The following KDM5A variants were observed in gnomAD, a reference collection of about 807,000 sequenced individuals.
The protein encoded by KDM5A is lysine-specific demethylase 5A.
A neutral mutation model predicts 193.5 loss-of-function variants in KDM5A; 42 were observed. The observed-to-expected ratio is 0.22, with a 90% CI of 0.17 to 0.28. KDM5A has a LOEUF of 0.28. KDM5A is among the 10% of genes least tolerant of loss of function. The pLI is 1.00. For synonymous variants in KDM5A, 796 were observed against 718.1 expected (o/e 1.11, Z -1.73); for missense variants, 1,692 against 2,055.1 (o/e 0.82, Z 3.42).
Position 389,312 on chromosome 12 carries a change from C to T in KDM5A, c.-221G>A. 1.5e-6 allele frequency: 1 copy of T among 677,908 alleles called. No individual in the cohort carries two copies. Among genetic ancestry groups the T allele is most frequent in the Non-Finnish European group, 2.7e-6 (1 of 371,448 alleles). The allele number at this position is 677,908 out of a possible 1,614,324, so 42.0% of individuals were successfully genotyped here. A position where few individuals can be genotyped will look rare whatever the true frequency, so the allele number is the denominator to read the frequency against. On this transcript the variant is annotated 5_prime_UTR_variant, in exon 1 of 28. Coordinates refer to ENST00000399788, the MANE Select transcript of KDM5A (RefSeq NM_001042603.3). ...GGTTCAGGACTTTTCCGGAAGTTAC[C>T]GTGCTGTCAAATCCCTCCGCCCCCT...
intron 10 of KDM5A, among the ~76,000 whole-genome samples, chr12:337,615 T>A (rs1943951079): frequency 6.6e-6 from 1 of 151,918 alleles, no homozygotes; most frequent in Non-Finnish European, 1.5e-5. Flanking sequence ...AACGAAACAA[T>A]ATGATAAACA....
chr12:336,011 C>CCAG (rs1371006631), intron 10 of KDM5A, among the ~76,000 whole-genome samples: 1 of 139,896 alleles, frequency 7.1e-6, no homozygotes, highest in African/African-American at 2.8e-5. Context: ...GCATTGCACT[C>CCAG]CAGTCTGGGC....
At position 282,132 on chromosome 12, in the gene KDM5A, A is replaced by T. The variant is rs114595162; in HGVS notation, c.*3324T>A. The T allele has an allele frequency of 1.8e-3, 518 of 293,908 alleles. 2 individuals are homozygous for T. The highest frequency in any genetic ancestry group is 0.01 in the African/African-American group (478 of 46,128). 18.2% of individuals were successfully genotyped at this position (293,908 alleles called of 1,614,324 possible). On this transcript the variant is annotated 3_prime_UTR_variant, in exon 28 of 28. Transcript: ENST00000399788. ...AAGCACAGAAGCAAAGCCCAGGCAG[A>T]ACCATGCTAACCTTACAGCTTAGCC...
chr12:388,126 AG>A lies in KDM5A; in HGVS notation c.165+800del, dbSNP rs1944668177. The stretch of plus-strand genomic sequence containing the variant: ...AGTGGTCCAGCAACATCATTTAAAA[AG>A]CACTGGTCTAATGAGTAAAGAAAAA... On this transcript the variant is annotated intron_variant, in intron 1 of 27. Coordinates refer to ENST00000399788, the MANE Select transcript of KDM5A (RefSeq NM_001042603.3). 1.0e-5 allele frequency: 3 copies of A among 293,830 alleles called. No individual in the cohort carries two copies. In the East Asian group the frequency reaches 2.5e-4, roughly 25 times the overall value. 18.2% of individuals were successfully genotyped at this position (293,830 alleles called of 1,614,324 possible).
rs149776713 is a variant in KDM5A at position 286,575 on chromosome 12, C to T, written c.4867-913G>A. Among the ~76,000 whole-genome samples, 14 of 152,152 alleles carry T rather than the reference C, an allele frequency of 9.2e-5. No individual in the cohort carries two copies. The East Asian group carries it at 1.5e-3, about 17-fold the overall frequency. The stretch of plus-strand genomic sequence containing the variant: ...CCAAGGTTGGTCATTTCATTGGTAA[C>T]GTTAAGAAGCCACTTAAAACCATGA... On this transcript the variant is annotated intron_variant, in intron 27 of 27. Transcript: ENST00000399788.
rs7961922 is a variant in KDM5A, at chr12:378,234, G to A, written c.366+5797C>T. On this transcript the variant is annotated intron_variant, in intron 3 of 27. Transcript: ENST00000399788. Reference sequence around the variant, plus strand: ...ATTAGTTCTGAGGAGTAGGAATGGGGGTGGAGATGAAGGGAGATGCTGATT... The same window carrying A: ...ATTAGTTCTGAGGAGTAGGAATGGGAGTGGAGATGAAGGGAGATGCTGATT... 2.9e-3 allele frequency among the ~76,000 whole-genome samples: 448 copies of A among 152,186 alleles called. 1 individual carries two copies. The highest frequency in any genetic ancestry group is 0.01 in the African/African-American group (427 of 41,514).
chr12:370,722 A>G (rs1944417255), intron 3 of KDM5A, among the ~76,000 whole-genome samples: 1 of 152,168 alleles, frequency 6.6e-6, no homozygotes, highest in Admixed American at 6.5e-5. Flanking sequence ...CACATTAACT[A>G]ATCACTTACA....
intron 27 of KDM5A, among the ~76,000 whole-genome samples, chr12:289,574 G>A (rs1281870789): frequency 6.6e-6 from 1 of 151,798 alleles, no homozygotes; most frequent in African/African-American, 2.4e-5. Flanking sequence ...AAAGAGGTGG[G>A]CATAGTGGTG....
Position 328,828 on chromosome 12 carries a change from A to C in KDM5A, c.1968+7T>G. 1 of 1,613,314 alleles carries C rather than the reference A, an allele frequency of 6.2e-7. No individual in the cohort carries two copies. The highest frequency in any genetic ancestry group is 1.3e-5 in the African/African-American group (1 of 75,052). ...TCAAACATAGAAAATGTGCTCAGCAAACTCACCATCTGTACAACAGACTCT... is the reference window on the plus strand; with the variant it reads ...TCAAACATAGAAAATGTGCTCAGCACACTCACCATCTGTACAACAGACTCT... On this transcript the variant is annotated splice_region_variant and intron_variant, in intron 14 of 27. Transcript: ENST00000399788.
At position 307,530 on chromosome 12, in the gene KDM5A, TC is replaced by T; in HGVS notation, c.3853del (p.Glu1285AsnfsTer41). The T allele has an allele frequency of 6.2e-7, 1 of 1,614,074 alleles. No homozygotes were observed. Among genetic ancestry groups the T allele is most frequent in the Non-Finnish European group, 8.5e-7 (1 of 1,180,026 alleles). Reference protein sequence around the residue: ...KLSVLSQRMVEQAAREKTEKI... With the variant: ...KLSVLSQRMVXQAAREKTEKI... The stretch of plus-strand genomic sequence containing the variant: ...TTCAGTTTTTTCTCGAGCCGCCTGT[TC>T]CACCATACGCTGGCTCAACACAGAT... On this transcript the variant is annotated frameshift_variant, in exon 23 of 28. Transcript: ENST00000399788. LOFTEE classifies it high-confidence loss of function. This position sits in a 1 kb window ranked among gnomAD's most constrained non-coding sequence, Gnocchi z 4.3.
At chr12:310,820 A>G in intron 21 of KDM5A, 65 bp downstream of exon 21, 2 of 1,507,260 alleles carry the variant, frequency 1.3e-6, no homozygotes, top group South Asian at 2.3e-5. Flanking sequence ...ACTGAAAATA[A>G]CCCTCACCAA....
intron 12 of KDM5A, among the ~76,000 whole-genome samples, chr12:332,280 T>C (rs373059017): frequency 1.3e-4 from 20 of 152,302 alleles, no homozygotes; most frequent in East Asian, 3.9e-4. Context: ...TGGCAAAGAA[T>C]AGAATTTCCT....
Position 321,060 on chromosome 12 carries a change from A to C in KDM5A, c.2476T>G (p.Leu826Val). The change falls in exon 18 of 28, where the codon TTG becomes GTG. Residue 826 changes from leucine (L) to valine (V), a missense_variant. Leu to Val is a conservative substitution (Grantham distance 32). Around this residue, in one of 11 missense-constraint regions of KDM5A, gnomAD observed 965 missense variants for 1,061.0 expected, o/e 0.91. Transcript: ENST00000399788. Reference sequence around the variant, plus strand: ...AAAAGTTGTTGGACAAAGGCCTTCAATTCTTCCACTGTCAGTTTGGTCCGA... The same window carrying C: ...AAAAGTTGTTGGACAAAGGCCTTCACTTCTTCCACTGTCAGTTTGGTCCGA... ...RTRTKLTVEE[L>V]KAFVQQLFSL... is the part of the protein sequence containing the mutation. 6.2e-7 allele frequency: 1 copy of C among 1,614,176 alleles called. No homozygotes were observed. Among genetic ancestry groups the C allele is most frequent in the South Asian group, 1.1e-5 (1 of 91,078 alleles).
At chr12:311,226 T>C (rs182845342) in intron 20 of KDM5A, 162 bp from the exon 21 acceptor site, 1 of 674,936 alleles carries the variant, frequency 1.5e-6, no homozygotes, top group African/African-American at 1.8e-5. Context: ...ATGTCCTATT[T>C]TTTAAAGTTT....
chr12:344,037 C>T (rs1257211634), intron 10 of KDM5A, among the ~76,000 whole-genome samples: 2 of 152,206 alleles, frequency 1.3e-5, no homozygotes, highest in East Asian at 3.8e-4. Context: ...AGACAAATCG[C>T]TAACTAGAAT....
At position 307,712 on chromosome 12, in the gene KDM5A, C is replaced by A. The variant is rs2137388813; in HGVS notation, c.3672G>T (p.Glu1224Asp). Residue 1224 changes from glutamate to aspartate, a missense_variant, in exon 23 of 28, where the codon GAG becomes GAT. By Grantham distance (45) the Glu-to-Asp change is conservative. Transcript: ENST00000399788. This position sits in a 1 kb window ranked among gnomAD's most constrained non-coding sequence, Gnocchi z 4.3. Reference sequence around the variant, plus strand: ...GGGATACCAGGAGTGACAGAATAGTCTCTAGCCTGGGCCTTCGAGACCGCA... The same window carrying A: ...GGGATACCAGGAGTGACAGAATAGTATCTAGCCTGGGCCTTCGAGACCGCA... ...LCMRSRRPRL[E>D]TILSLLVSLQ... is the part of the protein sequence containing the mutation. The A allele has an allele frequency of 6.2e-7, 1 of 1,614,176 alleles. No individual in the cohort carries two copies.
chr12:381,056 G>A (rs368933076), intron 3 of KDM5A, among the ~76,000 whole-genome samples: 181 of 151,928 alleles, frequency 1.2e-3, no homozygotes, highest in Admixed American at 3.0e-3. Context: ...GTGCAATGGC[G>A]TGATCTCAGC....
intron 10 of KDM5A, among the ~76,000 whole-genome samples, chr12:343,873 C>A (rs1266618522): frequency 6.6e-6 from 1 of 152,188 alleles, no homozygotes; most frequent in Non-Finnish European, 1.5e-5. Flanking sequence ...CAAAGGATGG[C>A]AGCTCCTTGC....
intron 17 of KDM5A, 116 bp from the exon 18 acceptor site, chr12:321,225 A>G: frequency 1.3e-6 from 1 of 752,958 alleles, no homozygotes; most frequent in Middle Eastern, 3.1e-4. Flanking sequence ...CCAGTGTTTG[A>G]AGGATAACAC....
Sources: allele counts gnomAD v4.1 joint callset (sites outside exome capture counted in the v4.1 genomes callset), GRCh38; gene constraint gnomAD v4.1.1; regional missense constraint gnomAD v4.1.1; non-coding constraint Gnocchi (gnomAD v3.1); transcripts MANE v1.5; gene names NCBI Gene and HGNC (gene_info 2026-07-23, HGNC 2026-07-21).